Variants in AIFM2 observed in about 807,000 individuals in gnomAD.
The protein encoded by AIFM2 is ferroptosis suppressor protein 1.
AIFM2 carries 38 observed loss-of-function variants against 35.7 expected under a neutral mutation model. The ratio of observed to expected loss-of-function variants is 1.06; its 90% CI spans 0.82 to 1.39. The LOEUF is 1.39. Ranked by LOEUF, AIFM2 falls within the 40% of genes most tolerant of loss-of-function variation. AIFM2 has a pLI of 0.00. For synonymous variants in AIFM2, 185 were observed against 203.5 expected (o/e 0.91, Z 0.77); for missense variants, 476 against 491.2 (o/e 0.97, Z 0.29).
At position 70,131,163 on chromosome 10, in the gene AIFM2, G is replaced by A. The variant is rs1346142491; in HGVS notation, c.-14+1571C>T. Among the ~76,000 whole-genome samples, 1 of 152,214 alleles carries A rather than the reference G, an allele frequency of 6.6e-6. No homozygotes were observed. Among genetic ancestry groups the A allele is most frequent in the African/African-American group, 2.4e-5 (1 of 41,446 alleles). ...ATCAAAGCAAGAATGTCATCCCAGA[G>A]TTGCTCCAGTATTGCTTCACAAATA... On this transcript the variant is annotated intron_variant, in intron 1 of 8. Coordinates refer to ENST00000307864, the MANE Select transcript of AIFM2 (RefSeq NM_032797.6). This position sits in a 1 kb window ranked among gnomAD's most constrained non-coding sequence, Gnocchi z 4.1.
chr10:70,128,152 C>T (rs2072588781), intron 1 of AIFM2, among the ~76,000 whole-genome samples: 1 of 152,208 alleles, frequency 6.6e-6, no homozygotes, highest in Non-Finnish European at 1.5e-5. Context: ...AGCCACACAC[C>T]CTGTAGGAGA....
rs896735956 is a variant in AIFM2 at position 70,131,642 on chromosome 10, C to T, written c.-14+1092G>A. Among the ~76,000 whole-genome samples, 2 of 152,188 alleles carry T rather than the reference C, an allele frequency of 1.3e-5. No homozygotes were observed. Among genetic ancestry groups the T allele is most frequent in the South Asian group, 2.1e-4 (1 of 4,832 alleles). ...GGTCTGCCCACCACCTGTACCTGGA[C>T]GCTGGCTTCATTTGGCCACCAGACA... is the stretch of plus-strand genomic sequence containing the variant. On this transcript the variant is annotated intron_variant, in intron 1 of 8. Coordinates refer to ENST00000307864, the MANE Select transcript of AIFM2 (RefSeq NM_032797.6). The surrounding 1 kb of genome is among the most constrained non-coding windows in gnomAD (Gnocchi z 4.1).
At position 70,114,066 on chromosome 10, in the gene AIFM2, G is replaced by C; in HGVS notation, c.*112C>G. 7.4e-7 allele frequency: 1 copy of C among 1,342,622 alleles called. No homozygotes were observed. 83.2% of individuals were successfully genotyped at this position (1,342,622 alleles called of 1,614,324 possible). On this transcript the variant is annotated 3_prime_UTR_variant, in exon 9 of 9. Coordinates refer to ENST00000307864, the MANE Select transcript of AIFM2 (RefSeq NM_032797.6). ...TGCATTTCTAGCCACCACATCATTGGCATCTTATTCCAGAAGAATAGCATT... is the reference window on the plus strand; with the variant it reads ...TGCATTTCTAGCCACCACATCATTGCCATCTTATTCCAGAAGAATAGCATT...
chr10:70,120,459 GA>G, intron 5 of AIFM2, 47 bp downstream of exon 5: 1 of 1,600,072 alleles, frequency 6.2e-7, no homozygotes, highest in Non-Finnish European at 8.6e-7. Flanking sequence ...AGATAATGCA[GA>G]AAAAAGCCAA....
Position 70,117,800 on chromosome 10 carries a change from G to T in AIFM2, c.616+12C>A. 6.3e-7 allele frequency: 1 copy of T among 1,594,278 alleles called. No individual in the cohort carries two copies. On this transcript the variant is annotated intron_variant, in intron 6 of 8. Coordinates refer to ENST00000307864, the MANE Select transcript of AIFM2 (RefSeq NM_032797.6). The surrounding 1 kb of genome is among the most constrained non-coding windows in gnomAD (Gnocchi z 4.7). Reference sequence around the variant, plus strand: ...CAGGGCAGGGCAGGGAGGGAGGTGAGGGTGCACGTACTCAGCAGCAGCTGC... The same window carrying T: ...CAGGGCAGGGCAGGGAGGGAGGTGATGGTGCACGTACTCAGCAGCAGCTGC...
chr10:70,124,125 C>T lies in AIFM2; in HGVS notation c.-13-28G>A, dbSNP rs7076932. 1.2e-3 allele frequency: 1,700 copies of T among 1,409,768 alleles called. 31 individuals carry two copies. The African/African-American group carries it at 0.022, about 18-fold the overall frequency. 87.3% of individuals were successfully genotyped at this position (1,409,768 alleles called of 1,614,324 possible). On this transcript the variant is annotated intron_variant, in intron 1 of 8. Transcript: ENST00000307864. ...GCTGGGAAGAAAGAGGAGAGCATAT[C>T]AGAGTCAGGGAGGCTGGGAGGGCTG... is the stretch of plus-strand genomic sequence containing the variant.
chr10:70,126,501 C>A (rs2072567427), intron 1 of AIFM2, among the ~76,000 whole-genome samples: 1 of 152,188 alleles, frequency 6.6e-6, no homozygotes, highest in South Asian at 2.1e-4. Flanking sequence ...CACTGCACTG[C>A]CCTGATCATC....
chr10:70,121,814 G>A (rs368361745), intron 3 of AIFM2, among the ~76,000 whole-genome samples: 15 of 140,988 alleles, frequency 1.1e-4, no homozygotes, highest in Middle Eastern at 3.5e-3. Context: ...ATTTTAGGCC[G>A]GGCACAGTGG....
chr10:70,114,219 C>T lies in AIFM2; in HGVS notation c.1081G>A (p.Val361Ile), dbSNP rs761889088. The T allele has an allele frequency of 4.0e-5, 64 of 1,613,744 alleles. No individual in the cohort carries two copies. Among genetic ancestry groups the T allele is most frequent in the South Asian group, 1.2e-4 (11 of 91,076 alleles). Reference sequence around the variant, plus strand: ...CTCATGGTTTTCCAGCTCGTAGAGACGAACAGGTCCCGGCTCTTGGTCAGC... The same window carrying T: ...CTCATGGTTTTCCAGCTCGTAGAGATGAACAGGTCCCGGCTCTTGGTCAGC... ...VRLTKSRDLF[V>I]STSWKTMRQS... Residue 361 changes from valine (V) to isoleucine (I), a missense_variant, in exon 9 of 9, where the codon GTC becomes ATC. Coordinates refer to ENST00000307864, the MANE Select transcript of AIFM2 (RefSeq NM_032797.6).
chr10:70,120,239 A>G (rs1013870106), intron 5 of AIFM2, among the ~76,000 whole-genome samples: 3 of 152,240 alleles, frequency 2.0e-5, no homozygotes, highest in African/African-American at 7.2e-5. Context: ...CCTGGGCTTG[A>G]TCCTCCAAGT....
intron 1 of AIFM2, among the ~76,000 whole-genome samples, chr10:70,127,345 G>C (rs774077892): frequency 4.6e-5 from 7 of 152,202 alleles, no homozygotes; most frequent in Non-Finnish European, 8.8e-5. Context: ...GGTCACACTG[G>C]AGCACCCAGG....
chr10:70,121,060 A>C (rs753050687), intron 4 of AIFM2, 32 bp downstream of exon 4: 1 of 1,603,196 alleles, frequency 6.2e-7, no homozygotes, highest in African/African-American at 1.3e-5. Flanking sequence ...CCATCTGCCC[A>C]CACTGCCCCA....
intron 2 of AIFM2, 130 bp downstream of exon 2, chr10:70,123,777 G>A: frequency 1.9e-6 from 2 of 1,062,532 alleles, no homozygotes; most frequent in South Asian, 1.8e-5. Context: ...AGCTTCTCCA[G>A]AACTTGTCTG....
chr10:70,128,673 G>C (rs1474028570), intron 1 of AIFM2, among the ~76,000 whole-genome samples: 1 of 152,154 alleles, frequency 6.6e-6, no homozygotes, highest in Non-Finnish European at 1.5e-5. Context: ...TGTGAATGAC[G>C]TTTTTATACA....
intron 5 of AIFM2, among the ~76,000 whole-genome samples, chr10:70,118,785 T>G (rs1436706264): frequency 6.6e-6 from 1 of 152,172 alleles, no homozygotes; most frequent in African/African-American, 2.4e-5. Flanking sequence ...TCATTGCCGG[T>G]TCTTGATACA....
chr10:70,118,007 C>A, intron 5 of AIFM2, 87 bp from the exon 6 acceptor site: 1 of 912,158 alleles, frequency 1.1e-6, no homozygotes, highest in Non-Finnish European at 1.7e-6. Context: ...TCCACTCATA[C>A]CTCCAGGTTA....
At chr10:70,123,838 C>A (rs2072536485) in intron 2 of AIFM2, 69 bp downstream of exon 2, 5 of 1,450,228 alleles carry the variant, frequency 3.4e-6, no homozygotes, top group Admixed American at 2.6e-5. Context: ...ACCCCCAGCC[C>A]TAAAATCAAG....
At position 70,113,126 on chromosome 10, in the gene AIFM2, T is replaced by G. The variant is rs1442001639; in HGVS notation, c.*1052A>C. ...CAGGCCAGGCTGCAGTCTCAACCCCTGCTAGCCGTGTAAAAATGCACTCTG... is the reference window on the plus strand; with the variant it reads ...CAGGCCAGGCTGCAGTCTCAACCCCGGCTAGCCGTGTAAAAATGCACTCTG... On this transcript the variant is annotated 3_prime_UTR_variant, in exon 9 of 9. Coordinates refer to ENST00000307864, the MANE Select transcript of AIFM2 (RefSeq NM_032797.6). 1.3e-5 allele frequency: 2 copies of G among 152,250 alleles called. No individual in the cohort carries two copies. Among genetic ancestry groups the G allele is most frequent in the African/African-American group, 4.8e-5 (2 of 41,468 alleles). The allele number at this position is 152,250 out of a possible 1,614,324, so 9.4% of individuals were successfully genotyped here.
Position 70,131,365 on chromosome 10 carries a change from G to A in AIFM2, c.-14+1369C>T, listed in dbSNP as rs771995997. Among the ~76,000 whole-genome samples, 3 of 152,176 alleles carry A rather than the reference G, an allele frequency of 2.0e-5. No homozygotes were observed. The highest frequency in any genetic ancestry group is 4.4e-5 in the Non-Finnish European group (3 of 68,020). ...CACCTGCGGGACACAGCAGGATGGAGACGGTTGGGCGGCCTCCCTTCCTGG... is the reference window on the plus strand; with the variant it reads ...CACCTGCGGGACACAGCAGGATGGAAACGGTTGGGCGGCCTCCCTTCCTGG... On this transcript the variant is annotated intron_variant, in intron 1 of 8. Transcript: ENST00000307864. The surrounding 1 kb of genome is among the most constrained non-coding windows in gnomAD (Gnocchi z 4.1).
Sources: allele counts gnomAD v4.1 joint callset (sites outside exome capture counted in the v4.1 genomes callset), GRCh38; gene constraint gnomAD v4.1.1; non-coding constraint Gnocchi (gnomAD v3.1); transcripts MANE v1.5; gene names NCBI Gene and HGNC (gene_info 2026-07-23, HGNC 2026-07-21).